The following ARHGEF16 variants were observed in gnomAD, a reference collection of about 807,000 sequenced individuals.
The protein encoded by ARHGEF16 is Rho guanine exchange factor (GEF) 16.
Under a neutral mutation model 74.1 loss-of-function variants are expected in ARHGEF16, and 59 were observed. The observed-to-expected ratio is 0.80, with a 90% CI of 0.65 to 0.99. The LOEUF is 0.99. Among genes scored for constraint, ARHGEF16 ranks in the 50% least tolerant of loss-of-function variants. The pLI, the probability that ARHGEF16 is intolerant of heterozygous loss-of-function variation, is 0.00. For synonymous variants in ARHGEF16, 415 were observed against 412.6 expected (o/e 1.01, Z -0.07); for missense variants, 948 against 986.6 (o/e 0.96, Z 0.52).
At chr1:3,465,403 C>T (rs1237792018) in intron 2 of ARHGEF16, among the ~76,000 whole-genome samples, 8 of 134,850 alleles carry the variant, frequency 5.9e-5, no homozygotes, top group African/African-American at 2.2e-4. Context: ...AGGACGGAGT[C>T]GGGGTGGGGG....
intron 5 of ARHGEF16, 126 bp downstream of exon 5, chr1:3,469,062 G>A: frequency 1.6e-6 from 2 of 1,220,604 alleles, no homozygotes; most frequent in Non-Finnish European, 2.3e-6. Flanking sequence ...GCCAGGCCCT[G>A]TCACGCTGAC....
chr1:3,472,939 T>G (rs1639772121), intron 6 of ARHGEF16, 139 bp from the exon 7 acceptor site: 7 of 692,152 alleles, frequency 1.0e-5, no homozygotes, highest in African/African-American at 1.9e-5. Context: ...GCTTGCTGTG[T>G]GCTGCCTCTG....
chr1:3,478,258 C>CGA, intron 11 of ARHGEF16, 166 bp from the exon 12 acceptor site: 2 of 939,800 alleles, frequency 2.1e-6, no homozygotes, highest in Non-Finnish European at 3.2e-6. Context: ...ACGAGGAGGA[C>CGA]TCGAAAGCCA....
In ARHGEF16 at chr1:3,476,028, C is replaced by G; in HGVS notation, c.1439C>G (p.Thr480Arg). 1 of 1,556,780 alleles carries G rather than the reference C, an allele frequency of 6.4e-7. No individual in the cohort carries two copies. Among genetic ancestry groups the G allele is most frequent in the South Asian group, 1.2e-5 (1 of 84,386 alleles). ...ATGGAGCGCATGGAGCAGATGTACA[C>G]GCTGCACACACAGCTGGACTTCAGC... ...HRMERMEQMYTLHTQLDFSKV... is the reference protein window; with the variant it reads ...HRMERMEQMYRLHTQLDFSKV... Residue 480 changes from threonine (T) to arginine (R), a missense_variant, in exon 10 of 15, where the codon ACG becomes AGG. By Grantham distance (71) the Thr-to-Arg change is moderately conservative. Transcript: ENST00000378378.
chr1:3,462,075 A>G (rs1639410672), intron 1 of ARHGEF16, among the ~76,000 whole-genome samples: 1 of 130,520 alleles, frequency 7.7e-6, no homozygotes, highest in Admixed American at 7.6e-5. Flanking sequence ...ACGCGCTGCC[A>G]GGAGGGGCGG....
chr1:3,471,168 G>A lies in ARHGEF16; in HGVS notation c.1022+1575G>A, dbSNP rs141847778. 4.3e-4 allele frequency among the ~76,000 whole-genome samples: 65 copies of A among 152,026 alleles called. 2 individuals are homozygous for A. Among genetic ancestry groups the A allele is most frequent in the Admixed American group, 1.8e-3 (27 of 15,262 alleles). On this transcript the variant is annotated intron_variant, in intron 6 of 14. Transcript: ENST00000378378. ...CCTGGGCAGGGGTATGTGTGGTCTC[G>A]ACCCTGTGCTGCTCCCTATATGCAG...
rs1407833905 is a variant in ARHGEF16 at position 3,474,820 on chromosome 1, G to T, written c.1380+38G>T. 1.9e-6 allele frequency: 3 copies of T among 1,599,872 alleles called. No individual in the cohort carries two copies. The African/African-American group carries it at 4.0e-5, about 21-fold the overall frequency. On this transcript the variant is annotated intron_variant, in intron 9 of 14. Coordinates refer to ENST00000378378, the MANE Select transcript of ARHGEF16 (RefSeq NM_014448.4). ...CTGGCCCCAGCCCTACCCGAGTCCT[G>T]TACCCCGACCCTGTCCCCACCCAAC...
chr1:3,461,306 G>A (rs762639656), intron 1 of ARHGEF16, among the ~76,000 whole-genome samples: 1 of 152,202 alleles, frequency 6.6e-6, no homozygotes, highest in Non-Finnish European at 1.5e-5. Flanking sequence ...TGGTCACTGC[G>A]GCGCAGACGC....
rs1273797439 is a variant in ARHGEF16, at chr1:3,480,533, C to G, written c.2076C>G (p.Ala692=). ...DFARFITSRV[A]VEGNVRRMER... is the part of the protein sequence containing the mutation. Reference sequence around the variant, plus strand: ...CCCGCTTCATCACCAGCCGTGTGGCCGTGGAGGGCAATGTCCGCAGGATGG... The same window carrying G: ...CCCGCTTCATCACCAGCCGTGTGGCGGTGGAGGGCAATGTCCGCAGGATGG... Residue 692 remains alanine (A), a synonymous_variant, in exon 15 of 15, where the codon GCC becomes GCG. Coordinates refer to ENST00000378378, the MANE Select transcript of ARHGEF16 (RefSeq NM_014448.4). The G allele has an allele frequency of 6.2e-7, 1 of 1,611,918 alleles. No individual in the cohort carries two copies.
chr1:3,460,626 G>T (rs1390032943), intron 1 of ARHGEF16, among the ~76,000 whole-genome samples: 1 of 152,194 alleles, frequency 6.6e-6, no homozygotes, highest in Non-Finnish European at 1.5e-5. Context: ...GTAGACAGAA[G>T]CCTAAAAGAA....
At chr1:3,473,783 A>G (rs1446506035) in intron 8 of ARHGEF16, 1 of 584,188 alleles carries the variant, frequency 1.7e-6, no homozygotes, top group Non-Finnish European at 2.9e-6. Flanking sequence ...CATGAGGTTC[A>G]GGCACACTGA....
chr1:3,472,654 C>T (rs563861371), intron 6 of ARHGEF16: 44 of 161,156 alleles, frequency 2.7e-4, no homozygotes, highest in South Asian at 1.2e-3. Context: ...CAAGCTGGTG[C>T]GGCAGCGGGG....
intron 3 of ARHGEF16, 195 bp from the exon 4 acceptor site, chr1:3,466,973 C>T: frequency 1.8e-6 from 1 of 565,822 alleles, no homozygotes; most frequent in South Asian, 2.8e-5. Flanking sequence ...GGGACCAGCC[C>T]ATTTCAGGTG....
chr1:3,473,837 C>A, intron 8 of ARHGEF16: 2 of 427,266 alleles, frequency 4.7e-6, no homozygotes, highest in South Asian at 4.6e-5. Context: ...GAGCCTCCTC[C>A]CAGCCCCCAC....
chr1:3,480,200 C>T (rs560918699), intron 14 of ARHGEF16, among the ~76,000 whole-genome samples: 377 of 152,364 alleles, frequency 2.5e-3, no homozygotes, highest in African/African-American at 8.2e-3. Context: ...GGCAGGGCTC[C>T]TCCTCATGCC....
intron 1 of ARHGEF16, among the ~76,000 whole-genome samples, chr1:3,461,740 G>A (rs934583680): frequency 3.9e-5 from 6 of 152,242 alleles, no homozygotes; most frequent in Non-Finnish European, 8.8e-5. Flanking sequence ...CCCGGCTCCT[G>A]GAGGCCGTGT....
intron 10 of ARHGEF16, 72 bp from the exon 11 acceptor site, chr1:3,477,803 G>A (rs1389955945): frequency 6.9e-5 from 102 of 1,475,158 alleles, no homozygotes; most frequent in Non-Finnish European, 9.3e-5. Context: ...ACCCCCTGGG[G>A]ACCTGCTCAC....
chr1:3,456,152 G>A (rs962204399), intron 1 of ARHGEF16, among the ~76,000 whole-genome samples: 1 of 152,194 alleles, frequency 6.6e-6, no homozygotes, highest in African/African-American at 2.4e-5. Context: ...CCTCCCTGAG[G>A]TCGCTGGCTC....
chr1:3,455,861 G>A (rs1639255393), intron 1 of ARHGEF16, among the ~76,000 whole-genome samples: 1 of 152,176 alleles, frequency 6.6e-6, no homozygotes, highest in Admixed American at 6.5e-5. Flanking sequence ...TAGTAGGAGT[G>A]TTGAGTTAGA....
Sources: gnomAD v4.1 joint callset for allele counts (sites outside exome capture counted in the v4.1 genomes callset) on GRCh38, gnomAD v4.1.1 for gene constraint, MANE v1.5 for transcripts, NCBI Gene and HGNC (gene_info 2026-07-23, HGNC 2026-07-21) for gene names.